GRIA1: variants seen among roughly 807,000 people sequenced by gnomAD.
GRIA1 encodes glutamate ionotropic receptor AMPA type subunit 1.
GRIA1 carries 31 observed loss-of-function variants against 99.2 expected under a neutral mutation model. The observed-to-expected ratio is 0.31, with a 90% CI of 0.23 to 0.42. The LOEUF is 0.42. Among genes scored for constraint, GRIA1 ranks in the 10% least tolerant of loss-of-function variants. GRIA1 has a pLI of 1.00. For missense variants in GRIA1, 782 were observed against 1,157.5 expected (o/e 0.68, Z 4.71); for synonymous variants, 438 against 432.4 (o/e 1.01, Z -0.16).
intron 11 of GRIA1, among the ~76,000 whole-genome samples, chr5:153,748,404 G>T (rs1032169074): frequency 1.3e-5 from 2 of 152,186 alleles, no homozygotes; most frequent in African/African-American, 4.8e-5. Flanking sequence ...GATCAAAGTG[G>T]CTGGAACATA....
intron 11 of GRIA1, among the ~76,000 whole-genome samples, chr5:153,760,268 G>A (rs1169304414): frequency 6.6e-6 from 1 of 152,074 alleles, no homozygotes; most frequent in Non-Finnish European, 1.5e-5. Context: ...CCTGTTTGCA[G>A]ATGACATGAT....
intron 5 of GRIA1, among the ~76,000 whole-genome samples, 180 bp downstream of exon 5, chr5:153,656,052 A>G (rs1754922093): frequency 6.6e-6 from 1 of 152,104 alleles, no homozygotes; most frequent in South Asian, 2.1e-4. Context: ...TCAAACCACA[A>G]CACACTATTC....
At chr5:153,589,502 T>A (rs984138795) in intron 2 of GRIA1, among the ~76,000 whole-genome samples, 5 of 152,206 alleles carry the variant, frequency 3.3e-5, no homozygotes. Context: ...TAAAAGGGTA[T>A]GTTAGAAACT....
chr5:153,769,586 G>A (rs1285634741), intron 12 of GRIA1, among the ~76,000 whole-genome samples: 1 of 151,942 alleles, frequency 6.6e-6, no homozygotes, highest in Non-Finnish European at 1.5e-5. Context: ...GTAAGCAGAT[G>A]ACAATATTTG....
At chr5:153,761,940 T>C (rs935679162) in intron 11 of GRIA1, among the ~76,000 whole-genome samples, 7 of 152,104 alleles carry the variant, frequency 4.6e-5, no homozygotes, top group Non-Finnish European at 1.0e-4. Flanking sequence ...CCACATGATC[T>C]CACTTACATG....
At chr5:153,691,789 C>T (rs1757781715) in intron 8 of GRIA1, among the ~76,000 whole-genome samples, 1 of 152,212 alleles carries the variant, frequency 6.6e-6, no homozygotes, top group Admixed American at 6.5e-5. Context: ...CCACACACCA[C>T]ACAGTAGCCT....
Position 153,811,752 on chromosome 5 carries a change from C to A in GRIA1, c.*527C>A, listed in dbSNP as rs1372906907. 2 of 155,432 alleles carry A rather than the reference C, an allele frequency of 1.3e-5. No individual in the cohort carries two copies. The highest frequency in any genetic ancestry group is 1.4e-5 in the Non-Finnish European group (1 of 70,220). 9.6% of individuals were successfully genotyped at this position (155,432 alleles called of 1,614,324 possible). A position where few individuals can be genotyped will look rare whatever the true frequency, so the allele number is the denominator to read the frequency against. ...TACAAGCAAGAGGAAAAAAAAGCAA[C>A]CTTCAAACTAATTCTCCATGGGGGC... is the stretch of plus-strand genomic sequence containing the variant. On this transcript the variant is annotated 3_prime_UTR_variant, in exon 16 of 16. Transcript: ENST00000285900.
At chr5:153,651,917 A>G (rs995783435) in intron 4 of GRIA1, among the ~76,000 whole-genome samples, 14 of 152,216 alleles carry the variant, frequency 9.2e-5, no homozygotes, top group Non-Finnish European at 2.1e-4. Context: ...TCTAGTATTT[A>G]CTGGCTTTGT....
At chr5:153,725,892 A>G (rs1351548975) in intron 11 of GRIA1, among the ~76,000 whole-genome samples, 1 of 134,488 alleles carries the variant, frequency 7.4e-6, no homozygotes, top group Non-Finnish European at 1.6e-5. Flanking sequence ...AAGCGGACCT[A>G]ATAGACATCT....
intron 2 of GRIA1, among the ~76,000 whole-genome samples, chr5:153,569,904 A>G (rs1431141867): frequency 6.6e-6 from 1 of 152,226 alleles, no homozygotes; most frequent in African/African-American, 2.4e-5. Context: ...AACTTTCCCA[A>G]GTTCACAAAT....
At chr5:153,673,338 C>G (rs1756336823) in intron 5 of GRIA1, among the ~76,000 whole-genome samples, 1 of 152,202 alleles carries the variant, frequency 6.6e-6, no homozygotes, top group Non-Finnish European at 1.5e-5. Flanking sequence ...CTCACTTTAT[C>G]CTTCATGGGG....
Position 153,802,384 on chromosome 5 carries a change from A to G in GRIA1, c.2414A>G (p.Asn805Ser), listed in dbSNP as rs1766101212. ...KDKTSALSLSNVAGVFYILIG... is the reference protein window; with the variant it reads ...KDKTSALSLSSVAGVFYILIG... ...AAGACAAGCGCTCTGAGCCTCAGCA[A>G]TGTGGCAGGCGTGTTCTACATCCTG... The change falls in exon 15 of 16, where the codon AAT becomes AGT. Residue 805 changes from asparagine to serine, a missense_variant. This residue lies in a region of GRIA1 where 119 missense variants were observed against 326.6 expected (regional missense o/e 0.36). Transcript: ENST00000285900. The G allele has an allele frequency of 6.2e-7, 1 of 1,613,784 alleles. No homozygotes were observed. The highest frequency in any genetic ancestry group is 8.5e-7 in the Non-Finnish European group (1 of 1,179,878).
intron 2 of GRIA1, among the ~76,000 whole-genome samples, chr5:153,593,748 C>T (rs1187432642): frequency 6.6e-6 from 1 of 152,128 alleles, no homozygotes; most frequent in African/African-American, 2.4e-5. Context: ...TCAGCTGAAG[C>T]CTGACCTGGT....
At chr5:153,555,194 G>A (rs1036229066) in intron 2 of GRIA1, among the ~76,000 whole-genome samples, 4 of 151,648 alleles carry the variant, frequency 2.6e-5, no homozygotes, top group African/African-American at 7.3e-5. Flanking sequence ...CTACAGCAGC[G>A]TTTTGCAACT....
At chr5:153,608,453 T>C (rs1765648555) in intron 2 of GRIA1, among the ~76,000 whole-genome samples, 1 of 152,214 alleles carries the variant, frequency 6.6e-6, no homozygotes, top group Non-Finnish European at 1.5e-5. Flanking sequence ...CTTTATATGT[T>C]TCAATCCTGT....
At chr5:153,656,383 T>TTATATATA (rs60245651) in intron 5 of GRIA1, among the ~76,000 whole-genome samples, 2,822 of 91,972 alleles carry the variant, frequency 0.031, 78 homozygotes, top group African/African-American at 0.076. Flanking sequence ...ATAAGTTTGT[T>TTATATATA]TATATATATA....
At chr5:153,685,358 C>T (rs1168887217) in intron 7 of GRIA1, among the ~76,000 whole-genome samples, 1 of 152,142 alleles carries the variant, frequency 6.6e-6, no homozygotes, top group Non-Finnish European at 1.5e-5. Context: ...TCCATGGTCA[C>T]CATTTGACTT....
chr5:153,606,175 C>T (rs1353725690), intron 2 of GRIA1, among the ~76,000 whole-genome samples: 1 of 152,094 alleles, frequency 6.6e-6, no homozygotes, highest in East Asian at 1.9e-4. Flanking sequence ...TTGTCAGCAT[C>T]ATTTATTGAA....
chr5:153,595,816 C>T (rs1324511291), intron 2 of GRIA1, among the ~76,000 whole-genome samples: 1 of 149,700 alleles, frequency 6.7e-6, no homozygotes, highest in African/African-American at 2.4e-5. Context: ...GTTCTTTAGT[C>T]CTTTACTAAC....
Sources: gnomAD v4.1 joint callset for allele counts (sites outside exome capture counted in the v4.1 genomes callset) on GRCh38, gnomAD v4.1.1 for gene constraint, gnomAD v4.1.1 regional missense constraint, MANE v1.5 for transcripts, NCBI Gene and HGNC (gene_info 2026-07-23, HGNC 2026-07-21) for gene names.